The following POLN variants were observed in gnomAD, a reference collection of about 807,000 sequenced individuals.
POLN encodes DNA polymerase nu.
A neutral mutation model predicts 113.5 loss-of-function variants in POLN; 108 were observed. The ratio of observed to expected loss-of-function variants is 0.95; its 90% CI spans 0.81 to 1.12. The LOEUF (loss-of-function observed/expected upper bound fraction) is 1.12, where lower values mean the gene tolerates loss of function less well. POLN is among the 50% of genes most tolerant of loss of function. The pLI, the probability that POLN is intolerant of heterozygous loss-of-function variation, is 0.00. For synonymous variants in POLN, 386 were observed against 391.5 expected (o/e 0.99, Z 0.17); for missense variants, 1,097 against 1,077.1 (o/e 1.02, Z -0.26).
chr4:2,187,335 T>C (rs9999831), intron 7 of POLN, among the ~76,000 whole-genome samples: 37,480 of 152,054 alleles, frequency 0.25, 7,141 homozygotes, highest in African/African-American at 0.51. Context: ...CCTCTGCCTC[T>C]TGGGTTAAAG....
chr4:2,089,352 AT>A, intron 20 of POLN: 2 of 1,387,670 alleles, frequency 1.4e-6, no homozygotes, highest in Non-Finnish European at 2.0e-6. Context: ...ACTGACAGTG[AT>A]TTGCTAATTG....
intron 13 of POLN, among the ~76,000 whole-genome samples, chr4:2,162,943 G>GA (rs1374730123): frequency 7.0e-6 from 1 of 142,674 alleles, no homozygotes; most frequent in African/African-American, 2.7e-5. Flanking sequence ...CTTAAATAGT[G>GA]ATCCCCCGCG....
intron 3 of POLN, among the ~76,000 whole-genome samples, chr4:2,222,304 C>T (rs146497581): frequency 0.012 from 1,900 of 152,188 alleles, 27 homozygotes; most frequent in Non-Finnish European, 0.019. Context: ...TGCCTGTAAT[C>T]CCAGCACTTT....
chr4:2,167,360 C>T (rs1478584842), intron 13 of POLN, among the ~76,000 whole-genome samples: 1 of 152,166 alleles, frequency 6.6e-6, no homozygotes, highest in South Asian at 2.1e-4. Context: ...ACCAAAGCTT[C>T]CTTCAGTTCG....
intron 19 of POLN, among the ~76,000 whole-genome samples, chr4:2,096,692 G>A (rs986094949): frequency 4.3e-5 from 5 of 117,174 alleles, no homozygotes; most frequent in African/African-American, 8.3e-5. Context: ...GAGAAAGAGA[G>A]AGAGAGAGAG....
At chr4:2,139,011 A>G (rs1364425769) in intron 16 of POLN, among the ~76,000 whole-genome samples, 1 of 151,984 alleles carries the variant, frequency 6.6e-6, no homozygotes, top group African/African-American at 2.4e-5. Context: ...GCATGTGCGC[A>G]GGCATGGAAG....
At chr4:2,098,918 G>GCGCA (rs1491280581) in intron 19 of POLN, among the ~76,000 whole-genome samples, 2 of 149,916 alleles carry the variant, frequency 1.3e-5, no homozygotes, top group African/African-American at 4.9e-5. Context: ...ACGTGCGTGC[G>GCGCA]CACACACACA....
intron 5 of POLN, among the ~76,000 whole-genome samples, chr4:2,203,824 C>G (rs1204270355): frequency 6.6e-6 from 1 of 151,594 alleles, no homozygotes; most frequent in East Asian, 2.0e-4. Flanking sequence ...ATAAATGAAG[C>G]AAATGCCAGG....
intron 23 of POLN, among the ~76,000 whole-genome samples, chr4:2,078,190 C>G (rs867439967): frequency 2.0e-5 from 3 of 152,242 alleles, no homozygotes; most frequent in Admixed American, 6.5e-5. Context: ...GAGGGACCGT[C>G]ACAGCACTGA....
intron 2 of POLN, chr4:2,241,161 A>G: frequency 2.1e-6 from 1 of 470,500 alleles, no homozygotes; most frequent in South Asian, 3.2e-5. Context: ...GAAGACACAG[A>G]CAAATATCAC....
intron 3 of POLN, among the ~76,000 whole-genome samples, chr4:2,226,192 G>A (rs534627603): frequency 1.3e-5 from 2 of 152,272 alleles, no homozygotes; most frequent in East Asian, 3.9e-4. Context: ...AGAGGCCAGA[G>A]AAGCAGGCAG....
chr4:2,109,818 T>C (rs1731150122), intron 19 of POLN, among the ~76,000 whole-genome samples: 1 of 152,216 alleles, frequency 6.6e-6, no homozygotes. Context: ...GCCTCCATCT[T>C]GTTATTTAAC....
At chr4:2,078,565 C>T (rs943365684) in intron 23 of POLN, 2 of 984,564 alleles carry the variant, frequency 2.0e-6, no homozygotes, top group Non-Finnish European at 2.4e-6. Context: ...CACCGTGTGC[C>T]TCCCAGTGAT....
At chr4:2,154,775 A>T (rs1732383365) in intron 16 of POLN, among the ~76,000 whole-genome samples, 1 of 152,230 alleles carries the variant, frequency 6.6e-6, no homozygotes, top group South Asian at 2.1e-4. Flanking sequence ...TCTATAAAAT[A>T]ATTAAAACTG....
intron 19 of POLN, among the ~76,000 whole-genome samples, chr4:2,116,549 A>G (rs199770465): frequency 3.6e-5 from 3 of 82,518 alleles, no homozygotes; most frequent in African/African-American, 3.2e-5. Flanking sequence ...TGAATTACCA[A>G]TTAAAAAAAA....
At chr4:2,182,381 A>T (rs992322501) in intron 7 of POLN, among the ~76,000 whole-genome samples, 7 of 152,246 alleles carry the variant, frequency 4.6e-5, no homozygotes, top group Non-Finnish European at 8.8e-5. Flanking sequence ...AGAGACATGC[A>T]GAGGGAAAAG....
At chr4:2,115,735 G>C (rs1271756203) in intron 19 of POLN, among the ~76,000 whole-genome samples, 1 of 152,188 alleles carries the variant, frequency 6.6e-6, no homozygotes, top group Non-Finnish European at 1.5e-5. Context: ...CAAGCCACTA[G>C]ATTTGGAAGC....
At position 2,241,763 on chromosome 4, in the gene POLN, G is replaced by T. The variant is rs1052273020; in HGVS notation, c.-256C>A. 3 of 985,360 alleles carry T rather than the reference G, an allele frequency of 3.0e-6. No individual in the cohort carries two copies. The African/African-American group carries it at 5.2e-5, about 17-fold the overall frequency. The allele number at this position is 985,360 out of a possible 1,614,324, so 61.0% of individuals were successfully genotyped here. ...CCAGCGGCAAAACCTTCCTTCGGAGGGTCACCCAGCTGTGACACCTAAGCA... is the reference window on the plus strand; with the variant it reads ...CCAGCGGCAAAACCTTCCTTCGGAGTGTCACCCAGCTGTGACACCTAAGCA... On this transcript the variant is annotated 5_prime_UTR_variant, in exon 2 of 26. Transcript: ENST00000511885.
intron 2 of POLN, chr4:2,238,705 G>A (rs1159768542): frequency 6.2e-7 from 1 of 1,613,220 alleles, no homozygotes; most frequent in South Asian, 1.1e-5. Context: ...AGAGCATCAT[G>A]TTACTTTGAC....
Sources: gnomAD v4.1 joint callset for allele counts (sites outside exome capture counted in the v4.1 genomes callset) on GRCh38, gnomAD v4.1.1 for gene constraint, MANE v1.5 for transcripts, NCBI Gene and HGNC (gene_info 2026-07-23, HGNC 2026-07-21) for gene names.